MGST1: variants seen among roughly 807,000 people sequenced by gnomAD.
MGST1 encodes the protein glutathione S-transferase 12.
Under a neutral mutation model 8.9 loss-of-function variants are expected in MGST1, and 5 were observed. The observed-to-expected ratio is 0.56, with a 90% CI of 0.29 to 1.19. The LOEUF is 1.19. MGST1 is among the 50% of genes most tolerant of loss of function. MGST1 has a pLI of 0.08. For synonymous variants in MGST1, 54 were observed against 67.8 expected (o/e 0.80, Z 1.00); for missense variants, 182 against 187.4 (o/e 0.97, Z 0.17).
intron 4 of MGST1, among the ~76,000 whole-genome samples, chr12:16,509,832 G>C (rs557914322): frequency 8.8e-4 from 134 of 152,212 alleles, no homozygotes; most frequent in Non-Finnish European, 1.7e-3. Flanking sequence ...ATTTGGATAC[G>C]TTTAGGTAGG....
At chr12:16,433,806 G>T (rs145866104) in intron 1 of MGST1, among the ~76,000 whole-genome samples, 1 of 151,910 alleles carries the variant, frequency 6.6e-6, no homozygotes, top group East Asian at 1.9e-4. Context: ...GTCCCCCAAG[G>T]CGTTCAGTTA....
intron 3 of MGST1, chr12:16,376,005 C>T (rs1940373116): frequency 6.8e-6 from 4 of 586,450 alleles, no homozygotes; most frequent in Non-Finnish European, 2.6e-6. Flanking sequence ...AACACCCACA[C>T]ACCTATATGT....
rs61915331 is a variant in MGST1, at chr12:16,569,142, C to T, written n.483-20386C>T. 4.8e-3 allele frequency among the ~76,000 whole-genome samples: 738 copies of T among 152,246 alleles called. 3 individuals are homozygous for T. The highest frequency in any genetic ancestry group is 8.1e-3 in the Non-Finnish European group (554 of 68,006). Reference sequence around the variant, plus strand: ...CAATATGTAAAGAAAAATGGGTTGACGCTTGGGCTAATTGGCCCTGTCTTA... The same window carrying T: ...CAATATGTAAAGAAAAATGGGTTGATGCTTGGGCTAATTGGCCCTGTCTTA... On this transcript the variant is annotated intron_variant and non_coding_transcript_variant, in intron 4 of 4. Transcript: ENST00000538857.
intron 4 of MGST1, among the ~76,000 whole-genome samples, chr12:16,524,391 C>T (rs1342765141): frequency 1.3e-5 from 2 of 151,936 alleles, no homozygotes; most frequent in Non-Finnish European, 2.9e-5. Context: ...CAGAAATACT[C>T]TATTTCTCCA....
At chr12:16,353,757 C>CT (rs11387725) in intron 1 of MGST1, among the ~76,000 whole-genome samples, 48,235 of 111,224 alleles carry the variant, frequency 0.43, 12,063 homozygotes, top group Non-Finnish European at 0.52. Context: ...ATATTGCATA[C>CT]TTTTTTTTTT....
chr12:16,450,345 T>A (rs1172712081), intron 4 of MGST1, among the ~76,000 whole-genome samples: 1 of 151,890 alleles, frequency 6.6e-6, no homozygotes, highest in East Asian at 1.9e-4. Context: ...GCATGGTGGT[T>A]CATTTCTCCT....
At chr12:16,375,277 GAGAT>G (rs1307300873) in intron 3 of MGST1, among the ~76,000 whole-genome samples, 1 of 152,102 alleles carries the variant, frequency 6.6e-6, no homozygotes, top group African/African-American at 2.4e-5. Flanking sequence ...AAAATGAAAA[GAGAT>G]AGAAACTATT....
At chr12:16,505,958 T>G (rs1017959453) in intron 4 of MGST1, among the ~76,000 whole-genome samples, 1 of 152,218 alleles carries the variant, frequency 6.6e-6, no homozygotes, top group African/African-American at 2.4e-5. Context: ...ACATGTCCAA[T>G]GTTGCCAAAT....
At chr12:16,568,451 A>C (rs531802963) in intron 4 of MGST1, among the ~76,000 whole-genome samples, 102 of 152,270 alleles carry the variant, frequency 6.7e-4, no homozygotes, top group Admixed American at 2.3e-3. Flanking sequence ...CAAGCTAAGT[A>C]CCCATTCACT....
intron 4 of MGST1, among the ~76,000 whole-genome samples, chr12:16,568,132 C>G (rs529528630): frequency 1.3e-5 from 2 of 152,140 alleles, no homozygotes; most frequent in African/African-American, 4.8e-5. Flanking sequence ...TTATTGTCAT[C>G]GGTTTCTCTG....
intron 4 of MGST1, chr12:16,514,335 TC>T: frequency 3.4e-6 from 1 of 297,804 alleles, no homozygotes. Flanking sequence ...ATTCCAACCC[TC>T]CCCTCAATGG....
chr12:16,446,525 C>G (rs1309922553), intron 4 of MGST1, among the ~76,000 whole-genome samples: 1 of 151,824 alleles, frequency 6.6e-6, no homozygotes, highest in Non-Finnish European at 1.5e-5. Flanking sequence ...TTTAGAGATG[C>G]TGTATTCTAT....
At chr12:16,511,949 T>C (rs145882671) in intron 4 of MGST1, among the ~76,000 whole-genome samples, 1 of 152,318 alleles carries the variant, frequency 6.6e-6, no homozygotes, top group East Asian at 1.9e-4. Context: ...GTATTTAACC[T>C]GCAATAATAC....
intron 4 of MGST1, among the ~76,000 whole-genome samples, chr12:16,504,960 T>G (rs1941527873): frequency 6.6e-6 from 1 of 152,254 alleles, no homozygotes; most frequent in African/African-American, 2.4e-5. Context: ...TACCAGTTGT[T>G]AAATTTAATG....
At chr12:16,384,528 C>A (rs140909753) in intron 1 of MGST1, among the ~76,000 whole-genome samples, 2 of 152,176 alleles carry the variant, frequency 1.3e-5, no homozygotes, top group Non-Finnish European at 2.9e-5. Context: ...AAGGAACAGA[C>A]GCCCTGGAGA....
In MGST1 at chr12:16,551,735, A is replaced by G. The variant is rs554187473; in HGVS notation, n.483-37793A>G. 2.6e-5 allele frequency among the ~76,000 whole-genome samples: 4 copies of G among 152,162 alleles called. No individual in the cohort carries two copies. The East Asian group carries it at 7.7e-4, about 29-fold the overall frequency. On this transcript the variant is annotated intron_variant and non_coding_transcript_variant, in intron 4 of 4. Transcript: ENST00000538857. ...TGATTTCATCTCTGGCCATTTAGGC[A>G]CTTAATAAAAAAGTAAAAGGCATTA...
chr12:16,558,859 A>AATT (rs1195300478), intron 4 of MGST1, among the ~76,000 whole-genome samples: 2 of 152,154 alleles, frequency 1.3e-5, no homozygotes, highest in East Asian at 3.8e-4. Context: ...ATTTAATATA[A>AATT]ATTAATTATT....
chr12:16,426,409 A>G (rs1940889466), intron 1 of MGST1, among the ~76,000 whole-genome samples: 1 of 152,210 alleles, frequency 6.6e-6, no homozygotes, highest in Non-Finnish European at 1.5e-5. Context: ...TCCAGTTGAA[A>G]TTAGACTCTT....
At position 16,513,591 on chromosome 12, in the gene MGST1, C is replaced by T. The variant is rs765553228; in HGVS notation, n.483-75937C>T. Reference sequence around the variant, plus strand: ...AGATGAATCTGGGAGTTAGTGCCTACAGGGACCACAACGGAAAGCCTTACA... The same window carrying T: ...AGATGAATCTGGGAGTTAGTGCCTATAGGGACCACAACGGAAAGCCTTACA... On this transcript the variant is annotated intron_variant and non_coding_transcript_variant, in intron 4 of 4. Coordinates refer to the MGST1 transcript ENST00000538857. The surrounding 1 kb of genome is among the most constrained non-coding windows in gnomAD (Gnocchi z 4.2). The T allele has an allele frequency of 2.6e-4, 127 of 494,032 alleles. No homozygotes were observed. Among genetic ancestry groups the T allele is most frequent in the Non-Finnish European group, 2.7e-4 (66 of 242,228 alleles). The allele number at this position is 494,032 out of a possible 1,614,324, so 30.6% of individuals were successfully genotyped here. A position where few individuals can be genotyped will look rare whatever the true frequency, so the allele number is the denominator to read the frequency against.
Sources: allele counts gnomAD v4.1 joint callset (sites outside exome capture counted in the v4.1 genomes callset), GRCh38; gene constraint gnomAD v4.1.1; non-coding constraint Gnocchi (gnomAD v3.1); transcripts MANE v1.5; gene names NCBI Gene and HGNC (gene_info 2026-07-23, HGNC 2026-07-21).